MSANTD2: variants seen among roughly 807,000 people sequenced by gnomAD.
MSANTD2 encodes the protein Myb/SANT DNA binding domain containing 2, also known as myb/SANT-like DNA-binding domain-containing protein 2.
MSANTD2 carries 19 observed loss-of-function variants against 52.6 expected under a neutral mutation model. The ratio of observed to expected loss-of-function variants is 0.36; its 90% CI spans 0.25 to 0.53. The LOEUF is 0.53. Ranked by LOEUF, MSANTD2 falls within the 20% of genes least tolerant of loss-of-function variation. The probability of loss-of-function intolerance (pLI) is 0.91; values close to 1 mark genes in which losing one functional copy is unlikely to be tolerated. For synonymous variants in MSANTD2, 291 were observed against 289.7 expected, an observed-to-expected ratio of 1.00 and a Z score of -0.04; for missense variants, 558 against 716.3, an observed-to-expected ratio of 0.78 and a Z score of 2.52.
At chr11:124,770,694 C>T (rs1944483123) in intron 3 of MSANTD2, among the ~76,000 whole-genome samples, 1 of 151,902 alleles carries the variant, frequency 6.6e-6, no homozygotes, top group South Asian at 2.1e-4. Context: ...CAACCTTTGC[C>T]TTTTGGGTTC....
At position 124,774,177 on chromosome 11, in the gene MSANTD2, A is replaced by T. The variant is rs1478136650; in HGVS notation, c.766+542T>A. Among the ~76,000 whole-genome samples, 2 of 152,236 alleles carry T rather than the reference A, an allele frequency of 1.3e-5. No homozygotes were observed. Among genetic ancestry groups the T allele is most frequent in the African/African-American group, 2.4e-5 (1 of 41,460 alleles). The stretch of plus-strand genomic sequence containing the variant: ...AACATGATCACACAGTTCAAATAAC[A>T]GCTCTATTCAAGATAAATGGAGGCT... On this transcript the variant is annotated intron_variant, in intron 2 of 3. Transcript: ENST00000374979. This position sits in a 1 kb window ranked among gnomAD's most constrained non-coding sequence, Gnocchi z 5.1.
chr11:124,768,833 T>G (rs1944398248), intron 3 of MSANTD2, among the ~76,000 whole-genome samples: 2 of 152,218 alleles, frequency 1.3e-5, no homozygotes, highest in African/African-American at 4.8e-5. Flanking sequence ...ACTCATATAC[T>G]TAACAGAAGA....
At chr11:124,784,144 C>T (rs1237821353) in intron 1 of MSANTD2, 1 of 984,998 alleles carries the variant, frequency 1.0e-6, no homozygotes, top group Non-Finnish European at 1.2e-6. Context: ...GAACTTCCTC[C>T]TCACCTGAAA....
intron 1 of MSANTD2, chr11:124,792,515 CACTA>C (rs1278924037): frequency 2.6e-5 from 4 of 152,214 alleles, no homozygotes. Flanking sequence ...TGAGCTTTTA[CACTA>C]ACTATTCATC....
Position 124,794,663 on chromosome 11 carries a change from G to A in MSANTD2, c.510+5208C>T, listed in dbSNP as rs150044582. 1.1e-3 allele frequency among the ~76,000 whole-genome samples: 171 copies of A among 152,244 alleles called. 1 individual carries two copies. The highest frequency in any genetic ancestry group is 2.7e-3 in the African/African-American group (112 of 41,540). On this transcript the variant is annotated intron_variant, in intron 1 of 3. Coordinates refer to ENST00000374979, the MANE Select transcript of MSANTD2 (RefSeq NM_001308027.2). ...TTATCAGGGACAATGAGAGCTTTTT[G>A]CTCCAAGTTAGTTATCTTTGCCCTG...
intron 1 of MSANTD2, chr11:124,791,772 G>A: frequency 1.6e-6 from 1 of 615,732 alleles, no homozygotes; most frequent in Admixed American, 2.4e-5. Flanking sequence ...CACTGGGGAG[G>A]AGGAGGATGT....
intron 1 of MSANTD2, chr11:124,791,486 C>A: frequency 8.9e-7 from 1 of 1,125,416 alleles, no homozygotes; most frequent in Non-Finnish European, 1.3e-6. Flanking sequence ...AGTCACTCTC[C>A]TAAATGGCTG....
intron 1 of MSANTD2, among the ~76,000 whole-genome samples, chr11:124,794,539 A>C (rs1278047254): frequency 2.6e-5 from 4 of 152,266 alleles, no homozygotes; most frequent in Non-Finnish European, 5.9e-5. Context: ...GTAGCTTATC[A>C]TATTTCTTAG....
Position 124,784,263 on chromosome 11 carries a change from A to G in MSANTD2, c.511-9289T>C. ...AGTTGCTAAGTCAGCACCTCTTTGA[A>G]TCTTTTTCTCAGTTCACACCTTGGG... On this transcript the variant is annotated intron_variant, in intron 1 of 3. Transcript: ENST00000374979. The G allele has an allele frequency of 3.0e-6, 3 of 985,366 alleles. No individual in the cohort carries two copies. In the South Asian group the frequency reaches 1.4e-4, roughly 46 times the overall value. The allele number at this position is 985,366 out of a possible 1,614,324, so 61.0% of individuals were successfully genotyped here. A position where few individuals can be genotyped will look rare whatever the true frequency, so the allele number is the denominator to read the frequency against.
intron 1 of MSANTD2, chr11:124,775,308 G>T: frequency 5.3e-6 from 1 of 188,908 alleles, no homozygotes; most frequent in East Asian, 1.4e-4. Flanking sequence ...AGAAATACCA[G>T]CCAGCCAATA....
At chr11:124,776,533 G>A (rs1272083314) in intron 1 of MSANTD2, among the ~76,000 whole-genome samples, 1 of 152,216 alleles carries the variant, frequency 6.6e-6, no homozygotes, top group Non-Finnish European at 1.5e-5. Context: ...CCGACCTCAG[G>A]TGATCCGCCC....
At chr11:124,793,837 G>A (rs1218244125) in intron 1 of MSANTD2, among the ~76,000 whole-genome samples, 1 of 151,894 alleles carries the variant, frequency 6.6e-6, no homozygotes, top group African/African-American at 2.4e-5. Context: ...CCTACACAGG[G>A]GTAAAGTGAC....
At chr11:124,785,695 G>C (rs562693482) in intron 1 of MSANTD2, among the ~76,000 whole-genome samples, 5 of 152,046 alleles carry the variant, frequency 3.3e-5, no homozygotes, top group African/African-American at 4.8e-5. Context: ...CAGACAGCTG[G>C]GGGGGGACTA....
In MSANTD2 at chr11:124,779,207, G is replaced by T. The variant is rs935127298; in HGVS notation, c.511-4233C>A. Reference sequence around the variant, plus strand: ...AAATATTGAAAGGCTTGGAAAATAAGATCTATAAGCAGGGACAGTGGTTTC... The same window carrying T: ...AAATATTGAAAGGCTTGGAAAATAATATCTATAAGCAGGGACAGTGGTTTC... On this transcript the variant is annotated intron_variant, in intron 1 of 3. Transcript: ENST00000374979. This position sits in a 1 kb window ranked among gnomAD's most constrained non-coding sequence, Gnocchi z 4.6. 1 of 152,200 alleles carries T rather than the reference G, an allele frequency of 6.6e-6. No homozygotes were observed. Among genetic ancestry groups the T allele is most frequent in the Non-Finnish European group, 1.5e-5 (1 of 68,036 alleles). The allele number at this position is 152,200 out of a possible 1,614,324, so 9.4% of individuals were successfully genotyped here. A position where few individuals can be genotyped will look rare whatever the true frequency, so the allele number is the denominator to read the frequency against.
At chr11:124,799,346 G>A (rs1341161756) in intron 1 of MSANTD2, among the ~76,000 whole-genome samples, 1 of 152,234 alleles carries the variant, frequency 6.6e-6, no homozygotes. Context: ...CGTAGCTCAA[G>A]ATAGAAGCAA....
intron 1 of MSANTD2, chr11:124,784,587 A>G (rs894224164): frequency 1.4e-5 from 14 of 985,218 alleles, no homozygotes; most frequent in Non-Finnish European, 1.7e-5. Flanking sequence ...AATGTTTAAA[A>G]GGGAGACTGT....
chr11:124,796,297 G>C (rs1269506717), intron 1 of MSANTD2, among the ~76,000 whole-genome samples: 2 of 152,290 alleles, frequency 1.3e-5, no homozygotes, highest in East Asian at 3.9e-4. Flanking sequence ...TCAGCTTTCT[G>C]ATCCTTTATA....
intron 1 of MSANTD2, chr11:124,784,662 C>A: frequency 1.0e-6 from 1 of 984,860 alleles, no homozygotes; most frequent in Non-Finnish European, 1.2e-6. Flanking sequence ...CCATGTGATT[C>A]TCTCAGTTCT....
chr11:124,793,996 T>C (rs1161413745), intron 1 of MSANTD2, among the ~76,000 whole-genome samples: 2 of 152,214 alleles, frequency 1.3e-5, no homozygotes, highest in Non-Finnish European at 2.9e-5. Context: ...CATATGCCTA[T>C]TTATAACTTA....
Sources: gnomAD v4.1 joint callset for allele counts (sites outside exome capture counted in the v4.1 genomes callset) on GRCh38, gnomAD v4.1.1 for gene constraint, Gnocchi (gnomAD v3.1) non-coding constraint, MANE v1.5 for transcripts, NCBI Gene and HGNC (gene_info 2026-07-23, HGNC 2026-07-21) for gene names.